Variants in HMGA2 observed in about 807,000 individuals in gnomAD.
HMGA2 encodes the protein high mobility group protein HMGI-C.
In HMGA2, 8 loss-of-function variants were observed where a neutral mutation model predicts 19.1. The observed-to-expected ratio is 0.42, with a 90% CI of 0.25 to 0.76. The LOEUF (loss-of-function observed/expected upper bound fraction) is 0.76, where lower values mean the gene tolerates loss of function less well. Among genes scored for constraint, HMGA2 ranks in the 30% least tolerant of loss-of-function variants. The pLI is 0.28. For synonymous variants in HMGA2, 60 were observed against 48.8 expected, an observed-to-expected ratio of 1.23 and a Z score of -0.96; for missense variants, 109 against 136.3, an observed-to-expected ratio of 0.80 and a Z score of 1.00.
chr12:65,895,020 A>G (rs1007459767), intron 3 of HMGA2, among the ~76,000 whole-genome samples: 2 of 152,222 alleles, frequency 1.3e-5, no homozygotes, highest in Non-Finnish European at 2.9e-5. Context: ...AACAGCATTT[A>G]AAACAAATTG....
chr12:65,842,543 T>C, intron 3 of HMGA2: 2 of 1,372,422 alleles, frequency 1.5e-6, no homozygotes, highest in Non-Finnish European at 2.0e-6. Flanking sequence ...GTTTAAGAAC[T>C]GCTTATAAAT....
chr12:65,870,400 A>T (rs112276706), intron 3 of HMGA2, among the ~76,000 whole-genome samples: 165 of 152,224 alleles, frequency 1.1e-3, no homozygotes, highest in Non-Finnish European at 2.1e-3. Context: ...GATGAATGAC[A>T]CTTCAGCTGA....
chr12:65,849,169 T>G (rs189473797), intron 3 of HMGA2, among the ~76,000 whole-genome samples: 1 of 152,344 alleles, frequency 6.6e-6, no homozygotes, highest in African/African-American at 2.4e-5. Flanking sequence ...TGTAATTTCC[T>G]TATTACAGGG....
At chr12:65,883,991 G>T in intron 3 of HMGA2, among the ~76,000 whole-genome samples, 1 of 152,006 alleles carries the variant, frequency 6.6e-6, no homozygotes, top group East Asian at 1.9e-4. Flanking sequence ...TCAGCCTCCC[G>T]GGTAACTGGG....
intron 3 of HMGA2, among the ~76,000 whole-genome samples, chr12:65,849,965 T>C (rs567583414): frequency 6.6e-6 from 1 of 152,160 alleles, no homozygotes; most frequent in East Asian, 1.9e-4. Flanking sequence ...ATGGTCCGCC[T>C]GCTTCAGCCT....
At chr12:65,880,931 C>G (rs148014574) in intron 3 of HMGA2, among the ~76,000 whole-genome samples, 3 of 152,100 alleles carry the variant, frequency 2.0e-5, no homozygotes, top group African/African-American at 7.2e-5. Flanking sequence ...ATGACTGGCA[C>G]GATTCTATCC....
chr12:65,878,116 C>T (rs1313517656), intron 3 of HMGA2, among the ~76,000 whole-genome samples: 1 of 152,150 alleles, frequency 6.6e-6, no homozygotes, highest in African/African-American at 2.4e-5. Context: ...AATCATTTTA[C>T]CTGGAAGCGC....
chr12:65,924,521 G>A (rs1019246638), intron 3 of HMGA2, among the ~76,000 whole-genome samples: 1 of 152,094 alleles, frequency 6.6e-6, no homozygotes, highest in South Asian at 2.1e-4. Context: ...AAGTTGGCCA[G>A]GCACAGTGGC....
chr12:65,870,446 TG>T (rs1188048439), intron 3 of HMGA2, among the ~76,000 whole-genome samples: 1 of 152,130 alleles, frequency 6.6e-6, no homozygotes, highest in Admixed American at 6.6e-5. Flanking sequence ...ATAGAACAGC[TG>T]GGGGCAGGCG....
At chr12:65,833,076 A>T (rs1180860417) in intron 2 of HMGA2, among the ~76,000 whole-genome samples, 2 of 152,100 alleles carry the variant, frequency 1.3e-5, no homozygotes, top group African/African-American at 4.8e-5. Context: ...CAGGAACTAC[A>T]ATGGGTGATG....
chr12:65,901,297 A>C (rs1373093374), intron 3 of HMGA2, among the ~76,000 whole-genome samples: 1 of 152,250 alleles, frequency 6.6e-6, no homozygotes, highest in Admixed American at 6.5e-5. Flanking sequence ...TATTCTTTGG[A>C]TATTCAAAAA....
At chr12:65,892,431 T>C (rs538242279) in intron 3 of HMGA2, among the ~76,000 whole-genome samples, 1 of 152,368 alleles carries the variant, frequency 6.6e-6, no homozygotes, top group South Asian at 2.1e-4. Flanking sequence ...GGAAGTCTTC[T>C]ATTAGGGATG....
intron 4 of HMGA2, chr12:65,952,220 G>C: frequency 3.1e-6 from 2 of 640,388 alleles, no homozygotes; most frequent in Non-Finnish European, 5.5e-6. Flanking sequence ...GTATCATGCT[G>C]AACCTGCTAA....
intron 3 of HMGA2, among the ~76,000 whole-genome samples, chr12:65,920,033 G>C (rs1049369487): frequency 6.6e-6 from 1 of 152,216 alleles, no homozygotes; most frequent in African/African-American, 2.4e-5. Context: ...AGTTGTGGAT[G>C]AAGTGAGCCA....
At chr12:65,920,320 CTG>C (rs1875260346) in intron 3 of HMGA2, among the ~76,000 whole-genome samples, 1 of 152,074 alleles carries the variant, frequency 6.6e-6, no homozygotes, top group Non-Finnish European at 1.5e-5. Flanking sequence ...AGTTTAGAGA[CTG>C]TGAATCTGGG....
chr12:65,926,583 G>T, intron 3 of HMGA2, among the ~76,000 whole-genome samples: 1 of 152,198 alleles, frequency 6.6e-6, no homozygotes, highest in East Asian at 1.9e-4. Context: ...TATTGATTTA[G>T]ACATTAAAAC....
intron 3 of HMGA2, among the ~76,000 whole-genome samples, chr12:65,922,392 T>C (rs938309111): frequency 2.8e-4 from 43 of 152,206 alleles, no homozygotes; most frequent in Non-Finnish European, 1.6e-4. Flanking sequence ...GAGATCGCTT[T>C]GGAGCTTTAA....
At chr12:65,937,753 A>G (rs1414526464) in intron 3 of HMGA2, among the ~76,000 whole-genome samples, 1 of 152,162 alleles carries the variant, frequency 6.6e-6, no homozygotes, top group African/African-American at 2.4e-5. Context: ...CTGTTCTTCT[A>G]CCTCCTCAGG....
At chr12:65,873,143 C>G (rs1592407580) in intron 3 of HMGA2, among the ~76,000 whole-genome samples, 1 of 152,282 alleles carries the variant, frequency 6.6e-6, no homozygotes, top group East Asian at 1.9e-4. Flanking sequence ...GGACTTTTAC[C>G]CGTCTACTAT....
Sources: allele counts gnomAD v4.1 joint callset (sites outside exome capture counted in the v4.1 genomes callset), GRCh38; gene constraint gnomAD v4.1.1; transcripts MANE v1.5; gene names NCBI Gene and HGNC (gene_info 2026-07-23, HGNC 2026-07-21).